PRH1: variants seen among roughly 807,000 people sequenced by gnomAD.
PRH1 encodes the protein proline rich protein HaeIII subfamily 1, also known as salivary acidic proline-rich phosphoprotein 1/2.
PRH1 carries 7 observed loss-of-function variants against 7.9 expected under a neutral mutation model. The ratio of observed to expected loss-of-function variants is 0.89; its 90% CI spans 0.50 to 1.67. The LOEUF is 1.67. Ranked by LOEUF, PRH1 falls within the 40% of genes most tolerant of loss-of-function variation. The pLI is 0.00. For missense variants in PRH1, 109 were observed against 223.6 expected (o/e 0.49, Z 3.27); for synonymous variants, 45 against 80.8 (o/e 0.56, Z 2.38).
At chr12:10,966,982 G>A (rs984728795) in intron 2 of PRH1, among the ~76,000 whole-genome samples, 5 of 152,022 alleles carry the variant, frequency 3.3e-5, no homozygotes, top group East Asian at 1.9e-4. Flanking sequence ...AGGCCTGGTG[G>A]CGGGCACCTG....
At chr12:10,930,497 T>A (rs1407338720) in intron 2 of PRH1, among the ~76,000 whole-genome samples, 1 of 151,992 alleles carries the variant, frequency 6.6e-6, no homozygotes, top group African/African-American at 2.4e-5. Context: ...CACCCTAATG[T>A]GGATTAAGAG....
chr12:11,088,804 T>C (rs1944792639), intron 1 of PRH1, among the ~76,000 whole-genome samples: 1 of 95,008 alleles, frequency 1.1e-5, no homozygotes, highest in African/African-American at 3.3e-5. Flanking sequence ...GATTCAAAGA[T>C]GCTAGAAACA....
chr12:11,083,359 A>T, intron 1 of PRH1, among the ~76,000 whole-genome samples: 1 of 119,468 alleles, frequency 8.4e-6, no homozygotes, highest in African/African-American at 2.8e-5. Flanking sequence ...AATTAAAGAA[A>T]AGTTTAAAAT....
At chr12:10,940,008 TA>T (rs772529427) in intron 2 of PRH1, among the ~76,000 whole-genome samples, 1 of 152,084 alleles carries the variant, frequency 6.6e-6, no homozygotes, top group Non-Finnish European at 1.5e-5. Flanking sequence ...CAATTTACAA[TA>T]AAAATAAAGA....
At chr12:11,106,697 C>G (rs531759048) in intron 1 of PRH1, among the ~76,000 whole-genome samples, 1 of 152,040 alleles carries the variant, frequency 6.6e-6, no homozygotes, top group Non-Finnish European at 1.5e-5. Flanking sequence ...TATTTCTTTT[C>G]CATTTTTACA....
intron 2 of PRH1, among the ~76,000 whole-genome samples, chr12:10,944,959 C>T (rs1450758755): frequency 6.6e-6 from 1 of 152,014 alleles, no homozygotes; most frequent in Non-Finnish European, 1.5e-5. Flanking sequence ...ATTCAGTTTG[C>T]AAAGGTTTTG....
At chr12:10,963,137 A>G (rs908752113) in intron 2 of PRH1, among the ~76,000 whole-genome samples, 3 of 152,256 alleles carry the variant, frequency 2.0e-5, no homozygotes, top group Admixed American at 2.0e-4. Flanking sequence ...CAAATAACTA[A>G]ATCAAATGAT....
intron 1 of PRH1, among the ~76,000 whole-genome samples, chr12:11,163,247 A>C (rs1345072773): frequency 1.3e-5 from 2 of 152,224 alleles, no homozygotes; most frequent in Non-Finnish European, 2.9e-5. Context: ...AGCATATGAC[A>C]GGAAAGAAGC....
At chr12:11,114,623 T>C (rs1444078954) in intron 1 of PRH1, among the ~76,000 whole-genome samples, 4 of 152,290 alleles carry the variant, frequency 2.6e-5, no homozygotes, top group Non-Finnish European at 5.9e-5. Context: ...CTGCACGTTC[T>C]GCACATGTAT....
intron 1 of PRH1, among the ~76,000 whole-genome samples, chr12:11,026,628 A>G (rs1331973479): frequency 6.6e-6 from 1 of 152,078 alleles, no homozygotes; most frequent in Non-Finnish European, 1.5e-5. Context: ...CTTGAAAGTT[A>G]CAGGGGATGG....
intron 1 of PRH1, among the ~76,000 whole-genome samples, chr12:11,060,529 CA>C (rs1315982435): frequency 7.3e-6 from 1 of 136,118 alleles, no homozygotes; most frequent in Admixed American, 7.4e-5. Flanking sequence ...CTCTCAACTT[CA>C]AAAAAAAAGC....
chr12:11,030,399 C>A (rs200315131), intron 1 of PRH1: 1 of 932,920 alleles, frequency 1.1e-6, no homozygotes, highest in African/African-American at 1.6e-5. Flanking sequence ...ATGCCCCTCT[C>A]ATGAATCTAT....
chr12:10,999,228 C>T (rs139141546), intron 1 of PRH1, among the ~76,000 whole-genome samples: 1 of 152,026 alleles, frequency 6.6e-6, no homozygotes, highest in Non-Finnish European at 1.5e-5. Flanking sequence ...AATATGTGCG[C>T]CCTTGTTGTG....
At chr12:11,140,148 G>T (rs1946663160) in intron 1 of PRH1, among the ~76,000 whole-genome samples, 1 of 151,138 alleles carries the variant, frequency 6.6e-6, no homozygotes, top group African/African-American at 2.4e-5. Flanking sequence ...TTTCTTATAA[G>T]CAAGTGTAAT....
intron 1 of PRH1, chr12:11,133,396 G>C: frequency 6.2e-7 from 1 of 1,613,890 alleles, no homozygotes; most frequent in Non-Finnish European, 8.5e-7. Context: ...TTAGCTTCTT[G>C]TTTCCCAAAA....
intron 2 of PRH1, chr12:10,929,271 A>C: frequency 6.2e-7 from 1 of 1,614,208 alleles, no homozygotes; most frequent in Non-Finnish European, 8.5e-7. Flanking sequence ...AGCCTTCTGC[A>C]AGATGCTTCT....
intron 2 of PRH1, chr12:10,938,308 G>T (rs1300668196): frequency 6.2e-7 from 1 of 1,613,564 alleles, no homozygotes; most frequent in East Asian, 2.2e-5. Flanking sequence ...CTTTGAACAT[G>T]TACCTCAGCC....
chr12:10,888,525 G>A (rs550262348), upstream of PRH1, among the ~76,000 whole-genome samples: 42 of 152,304 alleles, frequency 2.8e-4, no homozygotes, highest in African/African-American at 9.6e-4. Context: ...ATGCAAAAGC[G>A]TAAATCACAA....
intron 1 of PRH1, among the ~76,000 whole-genome samples, chr12:11,072,403 A>T (rs2136211337): frequency 6.6e-6 from 1 of 152,306 alleles, no homozygotes; most frequent in Admixed American, 6.5e-5. Flanking sequence ...ATTGAAATGG[A>T]CAAACATGGC....
Sources: gnomAD v4.1 joint callset for allele counts (sites outside exome capture counted in the v4.1 genomes callset) on GRCh38, gnomAD v4.1.1 for gene constraint, MANE v1.5 for transcripts, NCBI Gene and HGNC (gene_info 2026-07-23, HGNC 2026-07-21) for gene names.